The following CTBP2 variants were observed in gnomAD, a reference collection of about 807,000 sequenced individuals.
The protein encoded by CTBP2 is C-terminal binding protein 2.
A neutral mutation model predicts 80.3 loss-of-function variants in CTBP2; 30 were observed. That is an observed-to-expected ratio of 0.37 (90% CI 0.28 to 0.51). CTBP2 has a LOEUF of 0.51. Ranked by LOEUF, CTBP2 falls within the 20% of genes least tolerant of loss-of-function variation. The pLI is 0.93. For synonymous variants in CTBP2, 594 were observed against 587.4 expected, an observed-to-expected ratio of 1.01 and a Z score of -0.16; for missense variants, 1,212 against 1,375.3, an observed-to-expected ratio of 0.88 and a Z score of 1.88.
At chr10:125,084,584 A>G (rs1564880961) in intron 2 of CTBP2, among the ~76,000 whole-genome samples, 1 of 152,054 alleles carries the variant, frequency 6.6e-6, no homozygotes, top group Non-Finnish European at 1.5e-5. Context: ...TGAGGTTCAC[A>G]CCACCTCAGT....
intron 1 of CTBP2, among the ~76,000 whole-genome samples, chr10:125,137,434 G>A (rs1195590577): frequency 5.3e-5 from 8 of 152,174 alleles, no homozygotes; most frequent in Non-Finnish European, 7.3e-5. Context: ...GCTGCAACCA[G>A]TTCCCTCCAA....
intron 1 of CTBP2, among the ~76,000 whole-genome samples, chr10:125,009,713 G>C (rs1288639383): frequency 2.0e-5 from 3 of 152,182 alleles, no homozygotes; most frequent in Non-Finnish European, 4.4e-5. Flanking sequence ...GCCAAGCTGG[G>C]GGCCAGATTC....
chr10:125,112,646 A>T (rs1852502341), intron 1 of CTBP2, among the ~76,000 whole-genome samples: 2 of 150,972 alleles, frequency 1.3e-5, no homozygotes, highest in African/African-American at 4.9e-5. Context: ...TCAGGCTGGT[A>T]TCAAACTCCT....
intron 2 of CTBP2, among the ~76,000 whole-genome samples, chr10:125,084,606 G>A (rs987198031): frequency 7.2e-5 from 11 of 152,110 alleles, no homozygotes; most frequent in South Asian, 2.1e-4. Flanking sequence ...TCAGGGGTCC[G>A]GGGGTGGCCC....
chr10:125,088,247 G>A (rs559817832), intron 2 of CTBP2: 2 of 152,446 alleles, frequency 1.3e-5, no homozygotes, highest in African/African-American at 4.8e-5. Flanking sequence ...CAGCACTGCA[G>A]TCGGCAGGAG....
intron 2 of CTBP2, among the ~76,000 whole-genome samples, chr10:125,086,329 C>A (rs919630434): frequency 6.6e-6 from 1 of 152,050 alleles, no homozygotes; most frequent in Non-Finnish European, 1.5e-5. Context: ...GTCAGGAGTT[C>A]GAGACCAGCC....
intron 2 of CTBP2, among the ~76,000 whole-genome samples, chr10:125,100,042 C>T (rs1054886870): frequency 1.4e-4 from 21 of 152,216 alleles, no homozygotes. Context: ...TGAAAACCTT[C>T]TCATATTGAA....
At chr10:125,106,857 C>G (rs1003446523) in intron 2 of CTBP2, among the ~76,000 whole-genome samples, 1 of 152,250 alleles carries the variant, frequency 6.6e-6, no homozygotes, top group African/African-American at 2.4e-5. Context: ...ACAACAGTAA[C>G]AGCAGAAAGC....
chr10:125,126,447 C>T (rs541962574), intron 1 of CTBP2, among the ~76,000 whole-genome samples: 4 of 152,154 alleles, frequency 2.6e-5, no homozygotes, highest in Admixed American at 6.5e-5. Flanking sequence ...CCGTTCCTAG[C>T]GTATGGATAG....
chr10:125,007,173 A>T (rs1955356219), intron 1 of CTBP2, among the ~76,000 whole-genome samples: 1 of 152,242 alleles, frequency 6.6e-6, no homozygotes, highest in South Asian at 2.1e-4. Flanking sequence ...CATCACGGAA[A>T]TGACATCAGT....
Position 124,993,929 on chromosome 10 carries a change from T to C in CTBP2, c.2457A>G (p.Lys819=), listed in dbSNP as rs964368972. Reference sequence around the variant, plus strand: ...CCTCCTTGAGGGCTTGTGCTAAGGCTTTCTCGTCCACCAGGCCGCCACGGG... The same window carrying C: ...CCTCCTTGAGGGCTTGTGCTAAGGCCTTCTCGTCCACCAGGCCGCCACGGG... The change falls in exon 6 of 9, where the codon AAA becomes AAG. Residue 819 remains lysine (K), a synonymous_variant. Coordinates refer to ENST00000309035, the MANE Select transcript of CTBP2 (RefSeq NM_022802.3). The C allele has an allele frequency of 1.9e-6, 3 of 1,614,198 alleles. No individual in the cohort carries two copies. In the East Asian group the frequency reaches 6.7e-5, roughly 36 times the overall value.
chr10:125,129,023 CAT>C (rs1855715290), intron 1 of CTBP2, among the ~76,000 whole-genome samples: 1 of 152,156 alleles, frequency 6.6e-6, no homozygotes, highest in African/African-American at 2.4e-5. Flanking sequence ...TCAAATACAT[CAT>C]GTGTGTGGCA....
chr10:125,161,893 G>T (rs1861922144), upstream of CTBP2, among the ~76,000 whole-genome samples: 1 of 152,152 alleles, frequency 6.6e-6, no homozygotes, highest in Admixed American at 6.5e-5. Flanking sequence ...GACGTCTCAA[G>T]GTTGGAGTCT....
chr10:124,989,797 A>G, intron 8 of CTBP2, 99 bp from the exon 11 acceptor site: 1 of 1,192,980 alleles, frequency 8.4e-7, no homozygotes, highest in Non-Finnish European at 1.1e-6. Context: ...ACAGGAGCCC[A>G]GTGACATGAA....
chr10:125,044,873 G>GC (rs758754626), intron 2 of CTBP2, among the ~76,000 whole-genome samples: 5 of 152,126 alleles, frequency 3.3e-5, no homozygotes, highest in Non-Finnish European at 5.9e-5. Flanking sequence ...AATGGCAACC[G>GC]CAACACCACA....
rs1955102843 is a variant in CTBP2, at chr10:125,005,408, T to A, written c.1679-1916A>T. 6.2e-6 allele frequency: 5 copies of A among 803,294 alleles called. No individual in the cohort carries two copies. The East Asian group carries it at 1.3e-4, about 22-fold the overall frequency. 49.8% of individuals were successfully genotyped at this position (803,294 alleles called of 1,614,324 possible). A position where few individuals can be genotyped will look rare whatever the true frequency, so the allele number is the denominator to read the frequency against. ...AGGCACACGTGCACCCAGTCACTCC[T>A]GCTGCTGCCCCGACACCCAGGTCCC... On this transcript the variant is annotated intron_variant, in intron 1 of 8. Coordinates refer to ENST00000309035, the MANE Select transcript of CTBP2 (RefSeq NM_022802.3).
chr10:125,102,653 A>C (rs1315866623), intron 2 of CTBP2, among the ~76,000 whole-genome samples: 1 of 152,246 alleles, frequency 6.6e-6, no homozygotes, highest in Non-Finnish European at 1.5e-5. Context: ...AATTACAAAA[A>C]GCCAGGAGTA....
intron 1 of CTBP2, among the ~76,000 whole-genome samples, chr10:125,025,831 C>T (rs1488405625): frequency 6.6e-6 from 1 of 152,236 alleles, no homozygotes; most frequent in Non-Finnish European, 1.5e-5. Flanking sequence ...GAAATCTACA[C>T]ATCAACCCGA....
At chr10:125,101,968 C>G (rs1479833555) in intron 2 of CTBP2, among the ~76,000 whole-genome samples, 1 of 152,196 alleles carries the variant, frequency 6.6e-6, no homozygotes, top group African/African-American at 2.4e-5. Context: ...TTGTACCCAC[C>G]AAGCCACCTC....
Sources: allele counts gnomAD v4.1 joint callset (sites outside exome capture counted in the v4.1 genomes callset), GRCh38; gene constraint gnomAD v4.1.1; transcripts MANE v1.5; gene names NCBI Gene and HGNC (gene_info 2026-07-23, HGNC 2026-07-21).